Variants in FRAS1 observed in about 807,000 individuals in gnomAD.
FRAS1 encodes extracellular matrix organizing protein FRAS1.
Under a neutral mutation model 435.2 loss-of-function variants are expected in FRAS1, and 290 were observed. The observed-to-expected ratio is 0.67, with a 90% CI of 0.61 to 0.73. The LOEUF (loss-of-function observed/expected upper bound fraction) is 0.73. Among genes scored for constraint, FRAS1 ranks in the 30% least tolerant of loss-of-function variants. The pLI, the probability that FRAS1 is intolerant of heterozygous loss-of-function variation, is 0.00. For synonymous variants in FRAS1, 1,800 were observed against 1,851.0 expected (o/e 0.97, Z 0.71); for missense variants, 4,860 against 5,001.5 (o/e 0.97, Z 0.85).
intron 13 of FRAS1, among the ~76,000 whole-genome samples, chr4:78,285,242 C>T (rs921040909): frequency 1.3e-5 from 2 of 151,528 alleles, no homozygotes; most frequent in African/African-American, 4.8e-5. Context: ...CGCCTGTAGT[C>T]CCAGCTACTC....
At chr4:78,166,536 C>G (rs537831734) in intron 2 of FRAS1, among the ~76,000 whole-genome samples, 2 of 152,178 alleles carry the variant, frequency 1.3e-5, no homozygotes, top group East Asian at 3.9e-4. Context: ...AATCTCAAAA[C>G]TTGTATTTTG....
chr4:78,262,127 T>G (rs910895679), intron 6 of FRAS1, among the ~76,000 whole-genome samples: 3 of 152,204 alleles, frequency 2.0e-5, no homozygotes, highest in African/African-American at 7.2e-5. Context: ...GATCATTTCT[T>G]TTTCTTTCTC....
chr4:78,153,987 C>T (rs1380908023), intron 2 of FRAS1, among the ~76,000 whole-genome samples: 1 of 151,866 alleles, frequency 6.6e-6, no homozygotes, highest in Non-Finnish European at 1.5e-5. Flanking sequence ...TTTTGTTCAG[C>T]AGAATTTTTT....
intron 2 of FRAS1, among the ~76,000 whole-genome samples, chr4:78,198,743 A>C (rs1446046676): frequency 6.6e-6 from 1 of 152,040 alleles, no homozygotes; most frequent in Non-Finnish European, 1.5e-5. Flanking sequence ...TTCCTTCTTC[A>C]CTTCCTCACC....
At chr4:78,397,448 T>C (rs867373520) in intron 29 of FRAS1, among the ~76,000 whole-genome samples, 1 of 152,206 alleles carries the variant, frequency 6.6e-6, no homozygotes, top group Admixed American at 6.5e-5. Context: ...GTGTGTTTGC[T>C]GTCTGCATGG....
chr4:78,070,945 A>G (rs934194212), intron 2 of FRAS1: 4 of 152,210 alleles, frequency 2.6e-5, no homozygotes, highest in Non-Finnish European at 5.9e-5. Flanking sequence ...TACAGTGCTC[A>G]ATAAAGGTTG....
At chr4:78,337,372 T>C (rs1730210922) in intron 19 of FRAS1, among the ~76,000 whole-genome samples, 2 of 152,202 alleles carry the variant, frequency 1.3e-5, no homozygotes, top group Admixed American at 1.3e-4. Context: ...GTGACTATGA[T>C]TTGAACTTCC....
In FRAS1 at chr4:78,379,750, A is replaced by G. The variant is rs2110319202; in HGVS notation, c.3317A>G (p.His1106Arg). ...GGCAAAATACACACCCCTAGTCTTC[A>G]TGTGAATGGTTCCCTGATCCTCCCA... ...CSGKIHTPSL[H>R]VNGSLILPIG... Residue 1106 changes from histidine to arginine, a missense_variant, in exon 27 of 74, where the codon CAT (histidine) becomes CGT (arginine). Transcript: ENST00000512123. 1.9e-6 allele frequency: 3 copies of G among 1,613,642 alleles called. No homozygotes were observed. Among genetic ancestry groups the G allele is most frequent in the East Asian group, 2.2e-5 (1 of 44,872 alleles).
intron 18 of FRAS1, among the ~76,000 whole-genome samples, chr4:78,329,212 T>C (rs1329011102): frequency 2.0e-5 from 3 of 152,232 alleles, no homozygotes; most frequent in South Asian, 2.1e-4. Flanking sequence ...AACCAAATTG[T>C]CCAATGCATT....
intron 9 of FRAS1, among the ~76,000 whole-genome samples, chr4:78,273,029 A>G (rs574297437): frequency 2.6e-5 from 4 of 152,114 alleles, no homozygotes; most frequent in Admixed American, 6.5e-5. Flanking sequence ...GGTCCTTCAT[A>G]TCCCTTGTAA....
chr4:78,142,131 G>GA (rs35700842), intron 2 of FRAS1, among the ~76,000 whole-genome samples: 13,065 of 150,128 alleles, frequency 0.087, 797 homozygotes, highest in African/African-American at 0.17. Flanking sequence ...ATAACTTATG[G>GA]AAAAAAAAAT....
chr4:78,535,448 C>T (rs1721850987), intron 71 of FRAS1, among the ~76,000 whole-genome samples: 1 of 152,212 alleles, frequency 6.6e-6, no homozygotes. Flanking sequence ...CTTTCAGACA[C>T]CTAGAGATGC....
chr4:78,485,396 T>C (rs1356379177), intron 58 of FRAS1, among the ~76,000 whole-genome samples: 2 of 152,206 alleles, frequency 1.3e-5, no homozygotes, highest in African/African-American at 4.8e-5. Flanking sequence ...TTGATGAGCA[T>C]TGGGTTTGTC....
chr4:78,058,100 CCG>C lies in FRAS1; in HGVS notation c.76+18_76+19del. The C allele has an allele frequency of 6.4e-7, 1 of 1,562,554 alleles. No individual in the cohort carries two copies. Among genetic ancestry groups the C allele is most frequent in the Non-Finnish European group, 8.7e-7 (1 of 1,146,694 alleles). ...TCATTCCGAAGGTGAGAGAGCGGTG[CCG>C]CGTGTGTGTGTGTGTGTGCGTGTGC... On this transcript the variant is annotated intron_variant, in intron 1 of 73. Coordinates refer to ENST00000512123, the MANE Select transcript of FRAS1 (RefSeq NM_025074.7).
intron 51 of FRAS1, among the ~76,000 whole-genome samples, chr4:78,471,651 T>C (rs763701862): frequency 1.2e-4 from 19 of 152,244 alleles, no homozygotes; most frequent in Non-Finnish European, 7.3e-5. Context: ...ATCTTGGCTC[T>C]CACTAAATAC....
At chr4:78,187,145 G>T (rs1722309947) in intron 2 of FRAS1, among the ~76,000 whole-genome samples, 1 of 152,166 alleles carries the variant, frequency 6.6e-6, no homozygotes, top group African/African-American at 2.4e-5. Flanking sequence ...GTGTTTGAAG[G>T]TTCAAACAGA....
At chr4:78,211,730 T>C (rs1723514133) in intron 2 of FRAS1, among the ~76,000 whole-genome samples, 1 of 152,252 alleles carries the variant, frequency 6.6e-6, no homozygotes, top group South Asian at 2.1e-4. Context: ...ATTTGCCATT[T>C]TAACTGTGTA....
intron 2 of FRAS1, among the ~76,000 whole-genome samples, chr4:78,178,870 G>A (rs1457802380): frequency 6.6e-6 from 1 of 152,188 alleles, no homozygotes; most frequent in East Asian, 1.9e-4. Flanking sequence ...GATACTGTAT[G>A]TGGAGTACCT....
At chr4:78,257,769 A>G (rs561568228) in intron 6 of FRAS1, among the ~76,000 whole-genome samples, 19 of 152,310 alleles carry the variant, frequency 1.2e-4, no homozygotes, top group Admixed American at 7.8e-4. Flanking sequence ...AAAATTGGTG[A>G]TAATCCTTGA....
Sources: gnomAD v4.1 joint callset for allele counts (sites outside exome capture counted in the v4.1 genomes callset) on GRCh38, gnomAD v4.1.1 for gene constraint, MANE v1.5 for transcripts, NCBI Gene and HGNC (gene_info 2026-07-23, HGNC 2026-07-21) for gene names.